The following SLIT3 variants were observed in gnomAD, a reference collection of about 807,000 sequenced individuals.
SLIT3 encodes the protein slit guidance ligand 3, also known as slit homolog 3 protein.
SLIT3 carries 68 observed loss-of-function variants against 184.0 expected under a neutral mutation model. The ratio of observed to expected loss-of-function variants is 0.37; its 90% CI spans 0.30 to 0.45. SLIT3 has a LOEUF of 0.45. Ranked by LOEUF, SLIT3 falls within the 20% of genes least tolerant of loss-of-function variation. The pLI is 1.00. For synonymous variants in SLIT3, 831 were observed against 828.6 expected (o/e 1.00, Z -0.05); for missense variants, 1,707 against 2,026.0 (o/e 0.84, Z 3.02).
intron 1 of SLIT3, among the ~76,000 whole-genome samples, chr5:169,285,826 G>A (rs553144302): frequency 2.0e-5 from 3 of 152,278 alleles, no homozygotes; most frequent in South Asian, 4.1e-4. Context: ...AGCCTGCTGG[G>A]GATTCTAGCA....
chr5:169,025,861 T>C (rs902329520), intron 4 of SLIT3, among the ~76,000 whole-genome samples: 5 of 152,330 alleles, frequency 3.3e-5, no homozygotes, highest in African/African-American at 9.6e-5. Context: ...GCACTTTGTA[T>C]TATCTGTTAC....
chr5:169,083,931 GCT>G (rs1380121317), intron 4 of SLIT3, among the ~76,000 whole-genome samples: 3 of 152,134 alleles, frequency 2.0e-5, no homozygotes, highest in Non-Finnish European at 4.4e-5. Flanking sequence ...TAGTAAACCT[GCT>G]CTCTCACAAG....
intron 4 of SLIT3, among the ~76,000 whole-genome samples, chr5:168,989,992 A>G (rs866776191): frequency 4.6e-5 from 7 of 152,212 alleles, no homozygotes; most frequent in Admixed American, 6.5e-5. Context: ...TCAGCCATCA[A>G]AGTTCCACGG....
At chr5:168,972,233 T>C (rs1343889575) in intron 4 of SLIT3, among the ~76,000 whole-genome samples, 2 of 151,698 alleles carry the variant, frequency 1.3e-5, no homozygotes, top group African/African-American at 4.8e-5. Flanking sequence ...TGGTGCAGGA[T>C]GAGGTTGGGC....
intron 4 of SLIT3, among the ~76,000 whole-genome samples, chr5:168,948,731 T>C (rs1448412528): frequency 2.0e-5 from 3 of 152,316 alleles, no homozygotes; most frequent in East Asian, 3.9e-4. Flanking sequence ...TGGATTCTGA[T>C]TAACCATGAA....
chr5:168,834,710 A>AAAAAAAAAAAAAAAAAAAAAAT (rs1757989664), intron 6 of SLIT3, among the ~76,000 whole-genome samples: 1 of 132,082 alleles, frequency 7.6e-6, no homozygotes, highest in East Asian at 2.3e-4. Context: ...AAAAAAAAAA[A>AAAAAAAAAAAAAAAAAAAAAAT]AAAAAAAAAA....
intron 2 of SLIT3, among the ~76,000 whole-genome samples, chr5:169,249,525 T>C (rs1374353467): frequency 6.6e-6 from 1 of 152,186 alleles, no homozygotes; most frequent in East Asian, 1.9e-4. Context: ...CAAGGGTTGT[T>C]TTTGACTTTG....
chr5:169,051,286 C>CTT (rs879340120), intron 4 of SLIT3, among the ~76,000 whole-genome samples: 1 of 146,586 alleles, frequency 6.8e-6, no homozygotes, highest in East Asian at 2.0e-4. Flanking sequence ...CATTTCTAGC[C>CTT]TTTTTTTTTT....
At chr5:168,681,151 A>G (rs1198186675) in intron 32 of SLIT3, among the ~76,000 whole-genome samples, 5 of 152,238 alleles carry the variant, frequency 3.3e-5, no homozygotes, top group African/African-American at 1.2e-4. Flanking sequence ...ACTGTCTCCA[A>G]GAAAACCCAA....
At chr5:169,099,325 G>A (rs758126621) in intron 4 of SLIT3, among the ~76,000 whole-genome samples, 3 of 152,030 alleles carry the variant, frequency 2.0e-5, no homozygotes, top group Non-Finnish European at 4.4e-5. Flanking sequence ...GTATCTCTGG[G>A]GGCTGTTCTT....
At chr5:169,185,716 A>T (rs1165519793) in intron 4 of SLIT3, among the ~76,000 whole-genome samples, 1 of 152,216 alleles carries the variant, frequency 6.6e-6, no homozygotes, top group Admixed American at 6.5e-5. Flanking sequence ...ACCTAGAGGT[A>T]CAGGGCTCCA....
chr5:168,769,477 C>T (rs1755466042), intron 14 of SLIT3, among the ~76,000 whole-genome samples: 1 of 152,172 alleles, frequency 6.6e-6, no homozygotes, highest in African/African-American at 2.4e-5. Context: ...AGGTTGTCTG[C>T]CATGTTGGAC....
intron 4 of SLIT3, among the ~76,000 whole-genome samples, chr5:169,139,289 G>A (rs1448790188): frequency 1.3e-5 from 2 of 152,202 alleles, no homozygotes; most frequent in African/African-American, 4.8e-5. Flanking sequence ...TAGGCCAAAG[G>A]ATCCAAGAAG....
intron 2 of SLIT3, 107 bp downstream of exon 2, chr5:169,251,281 C>T (rs995688594): frequency 1.3e-6 from 1 of 778,504 alleles, no homozygotes; most frequent in African/African-American, 1.7e-5. Context: ...ATGGTGAATT[C>T]CTGTTGTCCA....
chr5:168,729,874 A>G (rs1014103289), intron 20 of SLIT3, among the ~76,000 whole-genome samples: 2 of 152,136 alleles, frequency 1.3e-5, no homozygotes, highest in Non-Finnish European at 2.9e-5. Context: ...TCACATATCA[A>G]TACTAACCCT....
In SLIT3 at chr5:168,666,811, A is replaced by G. The variant is rs1042548278; in HGVS notation, c.4337-122T>C. 4.0e-6 allele frequency: 6 copies of G among 1,485,036 alleles called. No homozygotes were observed. The African/African-American group carries it at 8.3e-5, about 21-fold the overall frequency. 92.0% of individuals were successfully genotyped at this position (1,485,036 alleles called of 1,614,324 possible). On this transcript the variant is annotated intron_variant, in intron 35 of 35. Transcript: ENST00000519560. ...GAAGACTGTAAGAATTTATTCACTC[A>G]TCCATCTGCCTACCCTCCCCTCCAT...
At chr5:169,119,604 A>G (rs986701386) in intron 4 of SLIT3, among the ~76,000 whole-genome samples, 1 of 152,230 alleles carries the variant, frequency 6.6e-6, no homozygotes. Flanking sequence ...TGGCAGCAGC[A>G]GCAGCAGAGC....
chr5:168,713,491 C>T (rs576191886), intron 23 of SLIT3, among the ~76,000 whole-genome samples: 7 of 152,336 alleles, frequency 4.6e-5, no homozygotes, highest in Admixed American at 4.6e-4. Context: ...TTAATAGAAA[C>T]TCAAAGGCTT....
At chr5:169,046,576 C>A (rs181694260) in intron 4 of SLIT3, among the ~76,000 whole-genome samples, 9 of 152,268 alleles carry the variant, frequency 5.9e-5, no homozygotes, top group Admixed American at 3.9e-4. Context: ...TAGGAAGGCA[C>A]GAAGAAAGCC....
Sources: allele counts gnomAD v4.1 joint callset (sites outside exome capture counted in the v4.1 genomes callset), GRCh38; gene constraint gnomAD v4.1.1; transcripts MANE v1.5; gene names NCBI Gene and HGNC (gene_info 2026-07-23, HGNC 2026-07-21).